The following HNF4G variants were observed in gnomAD, a reference collection of about 807,000 sequenced individuals.
HNF4G encodes the protein hepatocyte nuclear factor 4-gamma.
HNF4G carries 21 observed loss-of-function variants against 50.9 expected under a neutral mutation model. The observed-to-expected ratio is 0.41, with a 90% CI of 0.29 to 0.59. The LOEUF is 0.59. Ranked by LOEUF, HNF4G falls within the 20% of genes least tolerant of loss-of-function variation. The pLI, the probability that HNF4G is intolerant of heterozygous loss-of-function variation, is 0.26. For synonymous variants in HNF4G, 198 were observed against 185.6 expected (o/e 1.07, Z -0.54); for missense variants, 527 against 559.4 (o/e 0.94, Z 0.58).
intron 1 of HNF4G, among the ~76,000 whole-genome samples, chr8:75,443,711 T>C (rs914235777): frequency 9.9e-5 from 15 of 152,204 alleles, no homozygotes; most frequent in Non-Finnish European, 1.5e-4. Flanking sequence ...ATATGGCATG[T>C]GATTTTTTTC....
intron 1 of HNF4G, among the ~76,000 whole-genome samples, chr8:75,542,909 A>C (rs1031282632): frequency 4.6e-5 from 7 of 152,172 alleles, no homozygotes; most frequent in African/African-American, 1.4e-4. Context: ...ATTTCAGGCC[A>C]GGCGCAGTGG....
At chr8:75,529,870 TA>T (rs1373051310) in intron 2 of HNF4G, among the ~76,000 whole-genome samples, 9 of 151,914 alleles carry the variant, frequency 5.9e-5, no homozygotes, top group African/African-American at 1.7e-4. Context: ...ATTTAATTTT[TA>T]AACACTTAAT....
At chr8:75,477,136 G>A (rs929071108) in intron 1 of HNF4G, among the ~76,000 whole-genome samples, 33 of 152,294 alleles carry the variant, frequency 2.2e-4, no homozygotes, top group East Asian at 1.9e-4. Context: ...GAATGAAATA[G>A]AAGCATTTCC....
At chr8:75,410,426 C>A (rs1054305201) in intron 1 of HNF4G, among the ~76,000 whole-genome samples, 1 of 152,010 alleles carries the variant, frequency 6.6e-6, no homozygotes, top group African/African-American at 2.4e-5. Flanking sequence ...TTGGGGAGTT[C>A]GGGAATTTTT....
intron 2 of HNF4G, among the ~76,000 whole-genome samples, chr8:75,499,662 T>C (rs1001241537): frequency 6.6e-6 from 1 of 152,034 alleles, no homozygotes; most frequent in Non-Finnish European, 1.5e-5. Context: ...TAATTAAAGC[T>C]GTACAGTACT....
chr8:75,480,903 G>A (rs13272714), intron 1 of HNF4G, among the ~76,000 whole-genome samples: 7,620 of 152,002 alleles, frequency 0.05, 265 homozygotes, highest in Non-Finnish European at 0.072. Context: ...TTTTAGCGGA[G>A]ACGGAGTTTC....
At chr8:75,441,851 C>G (rs1432070317) in intron 1 of HNF4G, among the ~76,000 whole-genome samples, 1 of 152,172 alleles carries the variant, frequency 6.6e-6, no homozygotes, top group Non-Finnish European at 1.5e-5. Context: ...GAAACATACA[C>G]TAGAATATTT....
intron 1 of HNF4G, among the ~76,000 whole-genome samples, chr8:75,473,737 A>T (rs1353983311): frequency 6.6e-6 from 1 of 152,180 alleles, no homozygotes; most frequent in East Asian, 1.9e-4. Flanking sequence ...TCGGATTGGA[A>T]CTGGGGGGAG....
At chr8:75,507,409 C>T (rs1008985090) in intron 2 of HNF4G, among the ~76,000 whole-genome samples, 4 of 151,802 alleles carry the variant, frequency 2.6e-5, no homozygotes, top group Non-Finnish European at 4.4e-5. Context: ...TACAGGTGCC[C>T]GCCACCATGC....
In HNF4G at chr8:75,502,296, C is replaced by T. The variant is rs78577621; in HGVS notation, c.-24+12088C>T. The stretch of plus-strand genomic sequence containing the variant: ...TGTGAAAGACAGAGAATTGAGAGAA[C>T]ATGTTTTCCCTAATCCTCATGAGGA... On this transcript the variant is annotated intron_variant, in intron 2 of 10. Coordinates refer to the HNF4G transcript ENST00000354370. Among the ~76,000 whole-genome samples, 1,175 of 152,204 alleles carry T rather than the reference C, an allele frequency of 7.7e-3. 52 individuals are homozygous for T. In the East Asian group the frequency reaches 0.14, roughly 19 times the overall value.
At chr8:75,430,762 G>T (rs1025059653) in intron 1 of HNF4G, among the ~76,000 whole-genome samples, 1 of 152,046 alleles carries the variant, frequency 6.6e-6, no homozygotes, top group Non-Finnish European at 1.5e-5. Flanking sequence ...TTAAATAAAG[G>T]TCCCACATAA....
At chr8:75,490,921 T>C (rs1812614780) in intron 2 of HNF4G, among the ~76,000 whole-genome samples, 1 of 152,230 alleles carries the variant, frequency 6.6e-6, no homozygotes, top group Non-Finnish European at 1.5e-5. Flanking sequence ...CTTAGCTTCC[T>C]ATATTAGTCA....
intron 2 of HNF4G, among the ~76,000 whole-genome samples, chr8:75,503,973 G>T (rs1009306056): frequency 6.6e-6 from 1 of 152,108 alleles, no homozygotes; most frequent in African/African-American, 2.4e-5. Flanking sequence ...AAAATTCTGG[G>T]TGTATTGGGA....
chr8:75,418,845 A>G (rs934048813), intron 1 of HNF4G, among the ~76,000 whole-genome samples: 4 of 148,720 alleles, frequency 2.7e-5, no homozygotes, highest in Non-Finnish European at 5.9e-5. Context: ...TTCCTGCCTC[A>G]GCCTCCCGAG....
At chr8:75,435,341 A>T (rs1057399841) in intron 1 of HNF4G, among the ~76,000 whole-genome samples, 2 of 152,224 alleles carry the variant, frequency 1.3e-5, no homozygotes, top group African/African-American at 2.4e-5. Context: ...AACCTATAAA[A>T]TTAATGTCAA....
At chr8:75,556,348 T>C (rs541942646) in intron 6 of HNF4G, among the ~76,000 whole-genome samples, 1 of 152,290 alleles carries the variant, frequency 6.6e-6, no homozygotes, top group African/African-American at 2.4e-5. Flanking sequence ...GTTCAAATTA[T>C]ATCAGAATGA....
At chr8:75,493,035 A>G (rs1035031586) in intron 2 of HNF4G, among the ~76,000 whole-genome samples, 1 of 152,034 alleles carries the variant, frequency 6.6e-6, no homozygotes, top group African/African-American at 2.4e-5. Flanking sequence ...ATATATATAT[A>G]CACTCACACA....
At chr8:75,462,161 C>T (rs552648309) in intron 1 of HNF4G, among the ~76,000 whole-genome samples, 136 of 152,186 alleles carry the variant, frequency 8.9e-4, no homozygotes, top group African/African-American at 3.1e-3. Context: ...AGGTAATCTG[C>T]CTGCCTTGGA....
intron 2 of HNF4G, among the ~76,000 whole-genome samples, chr8:75,490,778 T>C (rs1471064585): frequency 1.3e-5 from 2 of 152,202 alleles, no homozygotes; most frequent in African/African-American, 4.8e-5. Flanking sequence ...ACAATATTTT[T>C]TGTCCAGTAA....
Sources: allele counts gnomAD v4.1 joint callset (sites outside exome capture counted in the v4.1 genomes callset), GRCh38; gene constraint gnomAD v4.1.1; transcripts MANE v1.5; gene names NCBI Gene and HGNC (gene_info 2026-07-23, HGNC 2026-07-21).